ALDH1L1: variants seen among roughly 807,000 people sequenced by gnomAD.
ALDH1L1 encodes cytosolic 10-formyltetrahydrofolate dehydrogenase.
In ALDH1L1, 68 loss-of-function variants were observed where a neutral mutation model predicts 101.1. The observed-to-expected ratio is 0.67, with a 90% confidence interval of 0.55 to 0.82. The LOEUF (loss-of-function observed/expected upper bound fraction) is 0.82, where lower values mean the gene tolerates loss of function less well. Among genes scored for constraint, ALDH1L1 ranks in the 40% least tolerant of loss-of-function variants. The pLI, the probability that ALDH1L1 is intolerant of heterozygous loss-of-function variation, is 0.00. For synonymous variants in ALDH1L1, 486 were observed against 470.8 expected (o/e 1.03, Z -0.42); for missense variants, 1,087 against 1,172.7 (o/e 0.93, Z 1.07).
intron 2 of ALDH1L1, among the ~76,000 whole-genome samples, chr3:126,158,961 GC>G (rs1298342854): frequency 1.3e-5 from 2 of 152,092 alleles, no homozygotes. Context: ...CTGTCTTCCG[GC>G]CCCCTCTACT....
chr3:126,179,024 C>A (rs1334060713), intron 1 of ALDH1L1, among the ~76,000 whole-genome samples: 1 of 152,236 alleles, frequency 6.6e-6, no homozygotes, highest in African/African-American at 2.4e-5. Context: ...TGTCACAGTC[C>A]AGGGAAAGCC....
rs1576443829 is a variant in ALDH1L1, at chr3:126,135,578, A to G, written c.1429T>C (p.Trp477Arg). 6.2e-7 allele frequency: 1 copy of G among 1,601,038 alleles called. No homozygotes were observed. The highest frequency in any genetic ancestry group is 8.5e-7 in the Non-Finnish European group (1 of 1,174,290). Residue 477 changes from tryptophan to arginine, a missense_variant, in exon 12 of 23, where the codon TGG becomes CGG. Transcript: ENST00000393434. ...CGGTCCCGCGCACTGATCTTCCCCC[A>G]CCGTCCATTCTCAAAGGCATCCTTG... ...AAKDAFENGRWGKISARDRGR... is the reference protein window; with the variant it reads ...AAKDAFENGRRGKISARDRGR...
At chr3:126,112,930 AG>A in intron 18 of ALDH1L1, 50 bp from the exon 19 acceptor site, 1 of 1,571,866 alleles carries the variant, frequency 6.4e-7, no homozygotes, top group Non-Finnish European at 8.7e-7. Flanking sequence ...CTGGGACACC[AG>A]CCCCCGGCTC....
chr3:126,160,791 C>T, intron 2 of ALDH1L1, 62 bp downstream of exon 2: 1 of 1,585,744 alleles, frequency 6.3e-7, no homozygotes, highest in East Asian at 2.2e-5. Context: ...CCTACTGCTT[C>T]CCTTCTACCT....
Position 126,114,621 on chromosome 3 carries a change from T to C in ALDH1L1, c.2018A>G (p.Glu673Gly). Residue 673 changes from glutamate to glycine, a missense_variant, in exon 18 of 23, where the codon GAA becomes GGA. Glu to Gly is a moderately conservative substitution (Grantham distance 98). Coordinates refer to ENST00000393434, the MANE Select transcript of ALDH1L1 (RefSeq NM_012190.4). ...GATGAGGGGTGACTTCCCGCCCAGT[T>C]CCAGGGACACCTTCTTCACGTTACT... ...AISNVKKVSL[E>G]LGGKSPLIIF... 1 of 1,519,282 alleles carries C rather than the reference T, an allele frequency of 6.6e-7. No homozygotes were observed. The highest frequency in any genetic ancestry group is 8.8e-7 in the Non-Finnish European group (1 of 1,133,024). The allele number at this position is 1,519,282 out of a possible 1,614,324, so 94.1% of individuals were successfully genotyped here.
intron 7 of ALDH1L1, chr3:126,152,369 A>C (rs934678675): frequency 6.6e-6 from 1 of 152,368 alleles, no homozygotes; most frequent in South Asian, 2.1e-4. Context: ...CACTTGCACA[A>C]GAATTTTTAC....
At chr3:126,163,762 A>T (rs1184934910) in intron 1 of ALDH1L1, among the ~76,000 whole-genome samples, 1 of 152,212 alleles carries the variant, frequency 6.6e-6, no homozygotes, top group Non-Finnish European at 1.5e-5. Context: ...CCACTTGACC[A>T]TGATGTATAA....
intron 7 of ALDH1L1, chr3:126,152,287 C>T (rs1166901644): frequency 6.6e-6 from 1 of 152,216 alleles, no homozygotes. Flanking sequence ...TTCTCCTGAA[C>T]CTTTACTTTT....
At chr3:126,168,676 C>T (rs2081216189) in intron 1 of ALDH1L1, among the ~76,000 whole-genome samples, 1 of 152,182 alleles carries the variant, frequency 6.6e-6, no homozygotes, top group East Asian at 1.9e-4. Flanking sequence ...CCTGGCTTTT[C>T]GGTGCTGCAC....
intron 7 of ALDH1L1, chr3:126,151,491 A>G (rs549915680): frequency 1.4e-4 from 22 of 152,280 alleles, no homozygotes; most frequent in African/African-American, 4.8e-4. Flanking sequence ...CCTCAGATTT[A>G]CTGTATTTAA....
intron 16 of ALDH1L1, among the ~76,000 whole-genome samples, chr3:126,121,628 A>C (rs1020862993): frequency 2.0e-5 from 3 of 152,220 alleles, no homozygotes; most frequent in Non-Finnish European, 4.4e-5. Context: ...ATCTAAAAAC[A>C]ACCACTTAAA....
intron 9 of ALDH1L1, among the ~76,000 whole-genome samples, chr3:126,144,344 G>A (rs538473213): frequency 2.0e-5 from 3 of 152,200 alleles, no homozygotes; most frequent in African/African-American, 7.2e-5. Flanking sequence ...ATTTTTTGCA[G>A]AAATTACAAA....
At chr3:126,142,566 C>T (rs2080588570) in intron 9 of ALDH1L1, among the ~76,000 whole-genome samples, 1 of 152,146 alleles carries the variant, frequency 6.6e-6, no homozygotes, top group South Asian at 2.1e-4. Context: ...GTGTAACATA[C>T]CACATTAATG....
intron 12 of ALDH1L1, 141 bp downstream of exon 12, chr3:126,135,394 C>T (rs1209530420): frequency 8.7e-7 from 1 of 1,152,538 alleles, no homozygotes; most frequent in Admixed American, 3.2e-5. Flanking sequence ...CAGCCTGGCC[C>T]ATCTGATGGC....
upstream of ALDH1L1, among the ~76,000 whole-genome samples, chr3:126,183,662 G>T (rs558917761): frequency 1.3e-5 from 2 of 152,324 alleles, no homozygotes; most frequent in African/African-American, 4.8e-5. Context: ...TTTGGAGCAG[G>T]CACGTCTACA....
intron 1 of ALDH1L1, among the ~76,000 whole-genome samples, chr3:126,177,316 T>C (rs2081379707): frequency 1.3e-5 from 2 of 152,178 alleles, no homozygotes; most frequent in South Asian, 4.1e-4. Context: ...CTGTAGTATG[T>C]GAATGGAGAA....
At chr3:126,175,007 T>C (rs2081345704) in intron 1 of ALDH1L1, among the ~76,000 whole-genome samples, 1 of 151,968 alleles carries the variant, frequency 6.6e-6, no homozygotes, top group Admixed American at 6.6e-5. Flanking sequence ...CCAGGTTAAC[T>C]AAGAAGAAAA....
At chr3:126,180,961 C>G, upstream of ALDH1L1, 3 of 1,610,914 alleles carry the variant, frequency 1.9e-6, no homozygotes, top group Non-Finnish European at 2.5e-6. Context: ...GGGCCAAGTA[C>G]CTGCCATGTG....
chr3:126,105,813 C>T lies in ALDH1L1; in HGVS notation c.2566G>A (p.Gly856Ser), dbSNP rs1945848204. Reference protein sequence around the residue: ...ALYVSDKLQAGTVFVNTYNKT... With the variant: ...ALYVSDKLQASTVFVNTYNKT... ...TTGTACGTGTTGACAAACACAGTGCCTGCCTGGAGCTTGTCACTGACATAC... is the reference window on the plus strand; with the variant it reads ...TTGTACGTGTTGACAAACACAGTGCTTGCCTGGAGCTTGTCACTGACATAC... The change falls in exon 22 of 23, where the codon GGC (glycine) becomes AGC (serine). Residue 856 changes from glycine to serine, a missense_variant. Gly to Ser is a moderately conservative substitution (Grantham distance 56). This residue lies in a region of ALDH1L1 where 442 missense variants were observed against 535.7 expected (regional missense o/e 0.83). Transcript: ENST00000393434. The T allele has an allele frequency of 1.2e-6, 2 of 1,614,224 alleles. No individual in the cohort carries two copies. Among genetic ancestry groups the T allele is most frequent in the East Asian group, 4.5e-5 (2 of 44,882 alleles).
Sources: gnomAD v4.1 joint callset for allele counts (sites outside exome capture counted in the v4.1 genomes callset) on GRCh38, gnomAD v4.1.1 for gene constraint, gnomAD v4.1.1 regional missense constraint, MANE v1.5 for transcripts, NCBI Gene and HGNC (gene_info 2026-07-23, HGNC 2026-07-21) for gene names.